The following USP34 variants were observed in gnomAD, a reference collection of about 807,000 sequenced individuals.
USP34 encodes ubiquitin specific peptidase 34, also known as ubiquitin carboxyl-terminal hydrolase 34.
In USP34, 70 loss-of-function variants were observed where a neutral mutation model predicts 460.3. The observed-to-expected ratio is 0.15, with a 90% CI of 0.13 to 0.19. The LOEUF (loss-of-function observed/expected upper bound fraction) is 0.19. USP34 is among the 10% of genes least tolerant of loss of function. The probability of loss-of-function intolerance (pLI) is 1.00; values close to 1 mark genes in which losing one functional copy is unlikely to be tolerated. For synonymous variants in USP34, 1,647 were observed against 1,405.3 expected (o/e 1.17, Z -3.85); for missense variants, 3,985 against 4,236.2 (o/e 0.94, Z 1.65).
At chr2:61,433,692 A>G (rs1297619772) in intron 1 of USP34, among the ~76,000 whole-genome samples, 1 of 152,098 alleles carries the variant, frequency 6.6e-6, no homozygotes, top group Non-Finnish European at 1.5e-5. Flanking sequence ...CCTGAGCCCA[A>G]TTTAGACAAC....
chr2:61,351,214 A>T (rs1691933765), intron 10 of USP34, among the ~76,000 whole-genome samples: 1 of 152,220 alleles, frequency 6.6e-6, no homozygotes, highest in African/African-American at 2.4e-5. Context: ...AAATACAAAT[A>T]AGACAATAAA....
chr2:61,358,290 C>G (rs1469967395), intron 10 of USP34, among the ~76,000 whole-genome samples: 1 of 151,462 alleles, frequency 6.6e-6, no homozygotes, highest in Non-Finnish European at 1.5e-5. Context: ...AAATGACAAC[C>G]CTTTAGCTAG....
At chr2:61,346,136 G>C (rs973427165) in intron 15 of USP34, 1 of 151,896 alleles carries the variant, frequency 6.6e-6, no homozygotes, top group African/African-American at 2.4e-5. Flanking sequence ...ATCTTTTTTA[G>C]GCATTTATTA....
At chr2:61,348,676 T>G (rs773687324) in intron 14 of USP34, 80 bp downstream of exon 14, 167 of 1,498,656 alleles carry the variant, frequency 1.1e-4, no homozygotes, top group Non-Finnish European at 1.4e-4. Context: ...ACATGAATTA[T>G]GTATATATAC....
At chr2:61,350,150 C>A (rs1055176937) in intron 12 of USP34, 110 bp downstream of exon 12, 17 of 1,231,894 alleles carry the variant, frequency 1.4e-5, no homozygotes, top group Non-Finnish European at 1.8e-5. Context: ...TTCTACCCAT[C>A]CCACACTTAT....
chr2:61,253,784 G>A (rs2103888501), intron 48 of USP34, among the ~76,000 whole-genome samples: 1 of 151,752 alleles, frequency 6.6e-6, no homozygotes, highest in Admixed American at 6.6e-5. Flanking sequence ...ACCCAGGCTG[G>A]AGTGCAGGGG....
chr2:61,430,146 C>A (rs1018317078), intron 1 of USP34, among the ~76,000 whole-genome samples: 1 of 148,548 alleles, frequency 6.7e-6, no homozygotes, highest in Non-Finnish European at 1.5e-5. Flanking sequence ...ACCCGAGAGG[C>A]GGAACTTTCA....
At chr2:61,206,269 G>T in intron 71 of USP34, 145 bp from the exon 72 acceptor site, 2 of 661,118 alleles carry the variant, frequency 3.0e-6, no homozygotes, top group Non-Finnish European at 5.2e-6. Context: ...TCATTTTCAT[G>T]AGATGATTAC....
chr2:61,290,044 A>G (rs1000942380), intron 33 of USP34, among the ~76,000 whole-genome samples: 1 of 152,154 alleles, frequency 6.6e-6, no homozygotes, highest in Non-Finnish European at 1.5e-5. Context: ...TCACAACTAT[A>G]TACTAAGACA....
chr2:61,460,587 G>A lies in USP34; in HGVS notation c.43+10063C>T, dbSNP rs567966691. Among the ~76,000 whole-genome samples, 6 of 152,248 alleles carry A rather than the reference G, an allele frequency of 3.9e-5. No individual in the cohort carries two copies. In the South Asian group the frequency reaches 6.2e-4, roughly 16 times the overall value. On this transcript the variant is annotated intron_variant, in intron 1 of 79. Transcript: ENST00000398571. ...GGGTACAGCACTATCTGTGGTTTGA[G>A]GTATCCACTGGAAGTCTCAGAACAC...
intron 43 of USP34, among the ~76,000 whole-genome samples, chr2:61,263,268 C>T (rs1472027193): frequency 1.3e-5 from 2 of 148,970 alleles, no homozygotes; most frequent in East Asian, 3.9e-4. Flanking sequence ...GCAACCTCTG[C>T]CTCCCGGGTT....
chr2:61,266,192 A>T (rs754893602), intron 41 of USP34, 25 bp from the exon 42 acceptor site: 1 of 1,585,694 alleles, frequency 6.3e-7, no homozygotes, highest in East Asian at 2.2e-5. Flanking sequence ...GAAACATGTT[A>T]TCTAAACTGA....
chr2:61,447,665 G>A lies in USP34; in HGVS notation c.43+22985C>T, dbSNP rs572528104. The stretch of plus-strand genomic sequence containing the variant: ...CTCATTTCATCACAGAATATAAAAA[G>A]ACATGAATACAAGATCTGTGAAATT... On this transcript the variant is annotated intron_variant, in intron 1 of 79. Coordinates refer to ENST00000398571, the MANE Select transcript of USP34 (RefSeq NM_014709.4). Among the ~76,000 whole-genome samples the A allele has an allele frequency of 5.3e-5, 8 of 152,192 alleles. No homozygotes were observed. In the South Asian group the frequency reaches 1.7e-3, roughly 32 times the overall value.
In USP34 at chr2:61,284,229, T is replaced by C. The variant is rs187691025; in HGVS notation, c.4832+646A>G. ...TAAAGAGATGTGTGTGACAAACACATAGGTTATAATGATTTAGAGTCTAAA... is the reference window on the plus strand; with the variant it reads ...TAAAGAGATGTGTGTGACAAACACACAGGTTATAATGATTTAGAGTCTAAA... On this transcript the variant is annotated intron_variant, in intron 35 of 79. Transcript: ENST00000398571. Among the ~76,000 whole-genome samples, 9 of 152,314 alleles carry C rather than the reference T, an allele frequency of 5.9e-5. No homozygotes were observed. In the East Asian group the frequency reaches 7.7e-4, roughly 13 times the overall value.
At chr2:61,378,913 G>GAAAAAAAAAACAAA (rs1692880013) in intron 7 of USP34, among the ~76,000 whole-genome samples, 1 of 57,872 alleles carries the variant, frequency 1.7e-5, no homozygotes, top group African/African-American at 7.3e-5. Context: ...TCAAAAAAAC[G>GAAAAAAAAAACAAA]AAAAAAAAAA....
intron 44 of USP34, 73 bp from the exon 45 acceptor site, chr2:61,257,423 T>C (rs1688749138): frequency 4.0e-6 from 5 of 1,251,254 alleles, no homozygotes; most frequent in Non-Finnish European, 5.3e-6. Context: ...AATGAACATA[T>C]AACAAAAACA....
intron 21 of USP34, among the ~76,000 whole-genome samples, chr2:61,324,159 A>G (rs184129369): frequency 1.3e-5 from 2 of 152,330 alleles, no homozygotes; most frequent in East Asian, 3.9e-4. Flanking sequence ...TGTAGAGAGT[A>G]AAGGATGACA....
At chr2:61,361,618 A>C (rs1203124572) in intron 10 of USP34, among the ~76,000 whole-genome samples, 1 of 133,366 alleles carries the variant, frequency 7.5e-6, no homozygotes, top group African/African-American at 2.7e-5. Flanking sequence ...ATACAGAATG[A>C]AACTGGATCC....
chr2:61,236,430 C>T lies in USP34; in HGVS notation c.6778-41G>A, dbSNP rs772656220. 4.2e-6 allele frequency: 6 copies of T among 1,413,164 alleles called. No homozygotes were observed. In the Admixed American group the frequency reaches 1.4e-4, roughly 33 times the overall value. The allele number at this position is 1,413,164 out of a possible 1,614,324, so 87.5% of individuals were successfully genotyped here. The stretch of plus-strand genomic sequence containing the variant: ...TTAACATTAGTGATAAAGCAGTTTA[C>T]TTCATTACATTTTACCAATATTTTT... On this transcript the variant is annotated intron_variant, in intron 53 of 79. Coordinates refer to ENST00000398571, the MANE Select transcript of USP34 (RefSeq NM_014709.4).
Sources: gnomAD v4.1 joint callset for allele counts (sites outside exome capture counted in the v4.1 genomes callset) on GRCh38, gnomAD v4.1.1 for gene constraint, MANE v1.5 for transcripts, NCBI Gene and HGNC (gene_info 2026-07-23, HGNC 2026-07-21) for gene names.